RFX4: variants seen among roughly 807,000 people sequenced by gnomAD.
The protein encoded by RFX4 is regulatory factor X4.
RFX4 carries 10 observed loss-of-function variants against 95.0 expected under a neutral mutation model. The observed-to-expected ratio is 0.11, with a 90% CI of 0.06 to 0.18. The LOEUF (loss-of-function observed/expected upper bound fraction) is 0.18. Ranked by LOEUF, RFX4 falls within the 10% of genes least tolerant of loss-of-function variation. The pLI is 1.00. For synonymous variants in RFX4, 321 were observed against 340.7 expected (o/e 0.94, Z 0.64); for missense variants, 640 against 922.0 (o/e 0.69, Z 3.96).
Position 106,747,483 on chromosome 12 carries a change from G to T in RFX4, c.1680G>T (p.Thr560=), listed in dbSNP as rs779148172. 7 of 1,614,110 alleles carry T rather than the reference G, an allele frequency of 4.3e-6. No homozygotes were observed. Among genetic ancestry groups the T allele is most frequent in the Non-Finnish European group, 5.9e-6 (7 of 1,180,006 alleles). Residue 560 remains threonine (T), a synonymous_variant, in exon 16 of 18, where the codon ACG becomes ACT. Transcript: ENST00000392842. The part of the protein sequence containing the change: ...YTWSLTYTVT[T]AAGSPAENSQ... ...GGTCTCTAACATACACAGTGACGAC[G>T]GCTGCTGGGTCCCCAGCTGAGAACT...
chr12:106,671,296 A>C (rs1310895812), intron 4 of RFX4, among the ~76,000 whole-genome samples: 1 of 152,216 alleles, frequency 6.6e-6, no homozygotes, highest in Admixed American at 6.5e-5. Context: ...GATGACTAAG[A>C]TTGGAGATCA....
chr12:106,674,683 G>A (rs1393850342), intron 4 of RFX4, among the ~76,000 whole-genome samples: 2 of 152,292 alleles, frequency 1.3e-5, no homozygotes, highest in Non-Finnish European at 1.5e-5. Flanking sequence ...CCCCTCTGGA[G>A]CACTTACCTG....
chr12:106,667,866 C>T (rs942796109), intron 4 of RFX4, among the ~76,000 whole-genome samples: 1 of 152,124 alleles, frequency 6.6e-6, no homozygotes, highest in Admixed American at 6.5e-5. Context: ...TGTTTTTATT[C>T]CCATTTAAAG....
chr12:106,690,738 C>G (rs901935828), intron 7 of RFX4, among the ~76,000 whole-genome samples: 1 of 152,170 alleles, frequency 6.6e-6, no homozygotes, highest in Non-Finnish European at 1.5e-5. Context: ...TGCCCATATT[C>G]CATGGACGGG....
intron 15 of RFX4, among the ~76,000 whole-genome samples, chr12:106,735,187 T>A (rs2137571657): frequency 6.6e-6 from 1 of 152,188 alleles, no homozygotes; most frequent in East Asian, 1.9e-4. Context: ...ATTAGAAAAT[T>A]AGATTCAACT....
intron 2 of RFX4, among the ~76,000 whole-genome samples, chr12:106,626,915 A>G (rs1472448041): frequency 1.3e-5 from 2 of 151,934 alleles, no homozygotes; most frequent in Admixed American, 1.3e-4. Flanking sequence ...GAACCTTCCA[A>G]TTCCCTCCAC....
At chr12:106,675,674 C>G (rs1352852890) in intron 4 of RFX4, among the ~76,000 whole-genome samples, 2 of 152,058 alleles carry the variant, frequency 1.3e-5, no homozygotes, top group Non-Finnish European at 2.9e-5. Context: ...GGTCACCCAA[C>G]AAGTGGCCCA....
intron 2 of RFX4, among the ~76,000 whole-genome samples, chr12:106,637,769 A>T (rs1388582263): frequency 6.6e-6 from 1 of 152,158 alleles, no homozygotes; most frequent in African/African-American, 2.4e-5. Flanking sequence ...TTAATCTGTT[A>T]TTCAGATTGT....
intron 2 of RFX4, 45 bp downstream of exon 2, chr12:106,608,928 C>T: frequency 5.1e-6 from 8 of 1,554,104 alleles, no homozygotes; most frequent in Non-Finnish European, 7.0e-6. Flanking sequence ...CAGACATGGC[C>T]AATGTCCTGA....
intron 1 of RFX4, among the ~76,000 whole-genome samples, chr12:106,603,932 C>T (rs570985931): frequency 6.6e-6 from 1 of 152,086 alleles, no homozygotes; most frequent in African/African-American, 2.4e-5. Context: ...AAAAAGCATG[C>T]ATTTATTGTG....
intron 6 of RFX4, among the ~76,000 whole-genome samples, chr12:106,687,774 CCTAT>C (rs987260463): frequency 3.9e-5 from 6 of 152,192 alleles, no homozygotes; most frequent in African/African-American, 1.4e-4. Context: ...ATCATGTATG[CCTAT>C]CTGTCTATCT....
intron 7 of RFX4, among the ~76,000 whole-genome samples, chr12:106,692,663 A>C (rs1283420097): frequency 6.6e-6 from 1 of 152,210 alleles, no homozygotes; most frequent in African/African-American, 2.4e-5. Flanking sequence ...ATACCTCAGG[A>C]AACTTAATTT....
At chr12:106,719,811 TA>T in intron 11 of RFX4, 148 bp from the exon 12 acceptor site, 1 of 614,158 alleles carries the variant, frequency 1.6e-6, no homozygotes, top group Non-Finnish European at 2.8e-6. Flanking sequence ...GCATGTTTTA[TA>T]AAGTCTTGAA....
At chr12:106,751,112 G>C (rs1225666210) in intron 17 of RFX4, among the ~76,000 whole-genome samples, 11 of 127,496 alleles carry the variant, frequency 8.6e-5, no homozygotes, top group African/African-American at 3.4e-4. Context: ...ACAGTCCCCA[G>C]AGTGTGATGT....
intron 17 of RFX4, among the ~76,000 whole-genome samples, chr12:106,758,305 A>G (rs2043146149): frequency 6.6e-6 from 1 of 152,244 alleles, no homozygotes. Flanking sequence ...TGGTCTCTTC[A>G]CTACAGGGAA....
chr12:106,601,755 C>A (rs889250853), intron 1 of RFX4, among the ~76,000 whole-genome samples: 1 of 152,190 alleles, frequency 6.6e-6, no homozygotes, highest in Admixed American at 6.5e-5. Context: ...CTGCTCCTAA[C>A]GGACTCTTCC....
chr12:106,668,575 T>C (rs2041222183), intron 4 of RFX4, among the ~76,000 whole-genome samples: 1 of 152,146 alleles, frequency 6.6e-6, no homozygotes, highest in African/African-American at 2.4e-5. Context: ...AAAAAAATTT[T>C]TTAAACTTAA....
chr12:106,675,705 A>G (rs1328744416), intron 4 of RFX4, among the ~76,000 whole-genome samples: 1 of 152,206 alleles, frequency 6.6e-6, no homozygotes, highest in Middle Eastern at 3.2e-3. Flanking sequence ...CTAGGAGGAA[A>G]TAAGGTACAA....
At chr12:106,633,876 C>T (rs1192347101) in intron 2 of RFX4, among the ~76,000 whole-genome samples, 2 of 152,212 alleles carry the variant, frequency 1.3e-5, no homozygotes, top group Non-Finnish European at 2.9e-5. Flanking sequence ...GCCCCAGGTC[C>T]CAGTTCCTTG....
Sources: allele counts gnomAD v4.1 joint callset (sites outside exome capture counted in the v4.1 genomes callset), GRCh38; gene constraint gnomAD v4.1.1; transcripts MANE v1.5; gene names NCBI Gene and HGNC (gene_info 2026-07-23, HGNC 2026-07-21).